The following REDIC1 variants were observed in gnomAD, a reference collection of about 807,000 sequenced individuals.
REDIC1 encodes HEI10 Interacting Protein 1.
the REDIC1 span, among the ~76,000 whole-genome samples, chr12:39,708,882 CT>C: frequency 6.6e-6 from 1 of 151,750 alleles, no homozygotes; most frequent in South Asian, 2.1e-4. Context: ...TTAAAATAAA[CT>C]TGCTTAAGTC....
At chr12:39,830,725 T>C in the REDIC1 span, among the ~76,000 whole-genome samples, 1 of 152,182 alleles carries the variant, frequency 6.6e-6, no homozygotes, top group Non-Finnish European at 1.5e-5. Context: ...AAAAACATTA[T>C]GTCTAAAGAA....
the REDIC1 span, among the ~76,000 whole-genome samples, chr12:39,775,450 A>C: frequency 2.6e-5 from 4 of 152,228 alleles, no homozygotes; most frequent in African/African-American, 9.6e-5. Flanking sequence ...GTCATTGTGA[A>C]GTTAACAGGC....
chr12:39,658,931 TAAAG>T, the REDIC1 span, among the ~76,000 whole-genome samples: 7 of 152,100 alleles, frequency 4.6e-5, no homozygotes, highest in African/African-American at 1.7e-4. Flanking sequence ...TGTTTTGTTT[TAAAG>T]AAAGCTAAAT....
At chr12:39,815,110 T>TG in the REDIC1 span, among the ~76,000 whole-genome samples, 5 of 152,300 alleles carry the variant, frequency 3.3e-5, no homozygotes, top group East Asian at 7.7e-4. Context: ...GGCCATCTTC[T>TG]GGTCAGTTAC....
the REDIC1 span, among the ~76,000 whole-genome samples, chr12:39,862,105 G>A: frequency 6.6e-6 from 1 of 152,130 alleles, no homozygotes; most frequent in Non-Finnish European, 1.5e-5. Context: ...TCATTGTTCT[G>A]AAAGACATTC....
the REDIC1 span, among the ~76,000 whole-genome samples, chr12:39,692,422 C>T: frequency 6.6e-6 from 1 of 151,854 alleles, no homozygotes; most frequent in Non-Finnish European, 1.5e-5. Context: ...ATATCCTGCC[C>T]TCTAGAGGTA....
the REDIC1 span, among the ~76,000 whole-genome samples, chr12:39,745,559 G>A: frequency 2.0e-5 from 3 of 152,138 alleles, no homozygotes; most frequent in African/African-American, 4.8e-5. Context: ...AGCACATAAC[G>A]AGTGTGTTAT....
At chr12:39,666,204 G>C in the REDIC1 span, among the ~76,000 whole-genome samples, 2 of 152,136 alleles carry the variant, frequency 1.3e-5, no homozygotes, top group African/African-American at 4.8e-5. Flanking sequence ...CTGTGGGTTT[G>C]TCATAAATAG....
At chr12:39,848,784 A>G in the REDIC1 span, among the ~76,000 whole-genome samples, 1 of 152,216 alleles carries the variant, frequency 6.6e-6, no homozygotes, top group South Asian at 2.1e-4. Flanking sequence ...ATGCCCTTCA[A>G]TGAAAGACTG....
the REDIC1 span, among the ~76,000 whole-genome samples, chr12:39,668,410 C>G: frequency 6.6e-6 from 1 of 152,198 alleles, no homozygotes; most frequent in Admixed American, 6.5e-5. Flanking sequence ...TCTCTTCTGG[C>G]TTGTAGAGTT....
chr12:39,774,643 G>T, the REDIC1 span, among the ~76,000 whole-genome samples: 1 of 147,234 alleles, frequency 6.8e-6, no homozygotes, highest in South Asian at 2.2e-4. Flanking sequence ...TTACAGACAA[G>T]ATGAAAAACC....
the REDIC1 span, among the ~76,000 whole-genome samples, chr12:39,729,132 G>A: frequency 6.6e-6 from 1 of 152,034 alleles, no homozygotes; most frequent in Non-Finnish European, 1.5e-5. Flanking sequence ...TTGAGTTTTT[G>A]AAGGGTTTTT....
chr12:39,756,264 T>C, the REDIC1 span: 1 of 151,950 alleles, frequency 6.6e-6, no homozygotes, highest in Non-Finnish European at 1.5e-5. Flanking sequence ...ATAAAGCACA[T>C]ATTATAAATT....
At chr12:39,721,330 C>A in the REDIC1 span, 3 of 1,238,154 alleles carry the variant, frequency 2.4e-6, no homozygotes, top group Non-Finnish European at 2.3e-6. Context: ...ATTTCATTAA[C>A]ATGATAAGAA....
the REDIC1 span, among the ~76,000 whole-genome samples, chr12:39,734,556 A>AT: frequency 6.6e-6 from 1 of 152,144 alleles, no homozygotes; most frequent in Non-Finnish European, 1.5e-5. Context: ...AATTTTTGTA[A>AT]TGTATATAAT....
the REDIC1 span, among the ~76,000 whole-genome samples, chr12:39,896,553 C>T: frequency 6.0e-5 from 8 of 134,290 alleles, 1 homozygote; most frequent in African/African-American, 1.4e-4. Flanking sequence ...TGTGTGTATA[C>T]ATGTATACAT....
At chr12:39,649,399 C>T in the REDIC1 span, among the ~76,000 whole-genome samples, 6 of 151,608 alleles carry the variant, frequency 4.0e-5, no homozygotes, top group South Asian at 2.1e-4. Flanking sequence ...GTAGTATTGT[C>T]GAATATATAA....
the REDIC1 span, among the ~76,000 whole-genome samples, chr12:39,718,814 T>C: frequency 6.6e-6 from 1 of 152,128 alleles, no homozygotes; most frequent in Non-Finnish European, 1.5e-5. Flanking sequence ...CCCTATTACC[T>C]TGATATTTTT....
the REDIC1 span, among the ~76,000 whole-genome samples, chr12:39,730,338 G>T: frequency 2.0e-5 from 3 of 152,190 alleles, no homozygotes; most frequent in East Asian, 1.9e-4. Context: ...AGGACCTCTT[G>T]TAAGGCAGGC....
Sources: allele counts gnomAD v4.1 joint callset (sites outside exome capture counted in the v4.1 genomes callset), GRCh38; gene constraint gnomAD v4.1.1; transcripts MANE v1.5; gene names NCBI Gene and HGNC (gene_info 2026-07-23, HGNC 2026-07-21).